Variants in MAP3K9 observed in about 807,000 individuals in gnomAD.
The protein encoded by MAP3K9 is mixed lineage kinase 1 (tyr and ser/thr specificity).
MAP3K9 carries 46 observed loss-of-function variants against 95.8 expected under a neutral mutation model. The ratio of observed to expected loss-of-function variants is 0.48; its 90% CI spans 0.38 to 0.61. The LOEUF is 0.61. MAP3K9 is among the 20% of genes least tolerant of loss of function. The pLI is 0.00. For synonymous variants in MAP3K9, 533 were observed against 593.8 expected (o/e 0.90, Z 1.49); for missense variants, 1,296 against 1,474.3 (o/e 0.88, Z 1.98).
intron 2 of MAP3K9, among the ~76,000 whole-genome samples, chr14:70,791,255 T>C (rs760152793): frequency 7.9e-5 from 12 of 152,188 alleles, no homozygotes; most frequent in Non-Finnish European, 5.9e-5. Context: ...GGCTGTTTTC[T>C]GCAACTAAAA....
At chr14:70,741,869 C>T (rs2054074342) in intron 6 of MAP3K9, among the ~76,000 whole-genome samples, 1 of 152,138 alleles carries the variant, frequency 6.6e-6, no homozygotes, top group South Asian at 2.1e-4. Flanking sequence ...ATCACTTGAA[C>T]CGGGGAGGTG....
intron 2 of MAP3K9, among the ~76,000 whole-genome samples, chr14:70,784,264 C>A (rs1479683393): frequency 6.6e-6 from 1 of 151,504 alleles, no homozygotes; most frequent in Non-Finnish European, 1.5e-5. Flanking sequence ...GCCTGGGAAA[C>A]AAGAGCAAAA....
At chr14:70,785,203 A>G (rs966955994) in intron 2 of MAP3K9, among the ~76,000 whole-genome samples, 1 of 152,136 alleles carries the variant, frequency 6.6e-6, no homozygotes, top group Non-Finnish European at 1.5e-5. Context: ...GGATACTACC[A>G]CCTCTTCCTG....
intron 2 of MAP3K9, among the ~76,000 whole-genome samples, chr14:70,771,636 TG>T (rs2054533318): frequency 6.6e-6 from 1 of 152,098 alleles, no homozygotes; most frequent in Non-Finnish European, 1.5e-5. Context: ...CTGACATTCC[TG>T]GAGTCTGTAA....
intron 1 of MAP3K9, among the ~76,000 whole-genome samples, chr14:70,808,471 C>T (rs551760440): frequency 1.3e-5 from 2 of 151,984 alleles, no homozygotes; most frequent in Non-Finnish European, 1.5e-5. Flanking sequence ...GACTGGGAAA[C>T]TGGCAAATTC....
At chr14:70,803,178 A>C (rs1393986763) in intron 1 of MAP3K9, among the ~76,000 whole-genome samples, 1 of 152,006 alleles carries the variant, frequency 6.6e-6, no homozygotes, top group Admixed American at 6.6e-5. Context: ...CACCAGAGCC[A>C]AGCAGATGCT....
chr14:70,771,771 G>A (rs553080059), intron 2 of MAP3K9, among the ~76,000 whole-genome samples: 1 of 152,284 alleles, frequency 6.6e-6, no homozygotes, highest in Non-Finnish European at 1.5e-5. Flanking sequence ...CCAGAGAAAA[G>A]CCCTATTCAT....
At chr14:70,745,552 T>A (rs544190053) in intron 5 of MAP3K9, among the ~76,000 whole-genome samples, 16 of 152,074 alleles carry the variant, frequency 1.1e-4, no homozygotes, top group Admixed American at 7.9e-4. Context: ...AGCCTGGCCA[T>A]GATAGTGAAA....
At chr14:70,739,993 A>T (rs2139726344) in intron 7 of MAP3K9, 49 bp downstream of exon 7, 1 of 1,614,222 alleles carries the variant, frequency 6.2e-7, no homozygotes, top group Non-Finnish European at 8.5e-7. Context: ...AGCAGGGGAC[A>T]GGTGCCCCTG....
In MAP3K9 at chr14:70,796,484, G is replaced by C. The variant is rs975821708; in HGVS notation, c.820+4183C>G. 2.6e-5 allele frequency among the ~76,000 whole-genome samples: 4 copies of C among 152,146 alleles called. No individual in the cohort carries two copies. The South Asian group carries it at 8.3e-4, about 32-fold the overall frequency. On this transcript the variant is annotated intron_variant, in intron 2 of 11. Transcript: ENST00000554752. Reference sequence around the variant, plus strand: ...AGATTCCATGGTAAGACTGCTAGCTGCCAATTCCTTAGCGGCAATGCCCTT... The same window carrying C: ...AGATTCCATGGTAAGACTGCTAGCTCCCAATTCCTTAGCGGCAATGCCCTT...
In MAP3K9 at chr14:70,738,280, C is replaced by T. The variant is rs1291895055; in HGVS notation, c.1809G>A (p.Thr603=). ...KKKGRTWGPG[T]LGQKELASGD... ...CCGAGGCAAGCTCCTTCTGACCAAG[C>T]GTCCCTGGCCCCCACGTCCGTCCCT... is the stretch of plus-strand genomic sequence containing the variant. The change falls in exon 8 of 12, where the codon ACG becomes ACA. Residue 603 remains threonine, a synonymous_variant. Transcript: ENST00000554752. The T allele has an allele frequency of 5.0e-6, 8 of 1,612,490 alleles. No individual in the cohort carries two copies. Among genetic ancestry groups the T allele is most frequent in the Non-Finnish European group, 6.8e-6 (8 of 1,179,384 alleles).
intron 3 of MAP3K9, among the ~76,000 whole-genome samples, chr14:70,752,696 A>G (rs2054246138): frequency 6.6e-6 from 1 of 152,190 alleles, no homozygotes; most frequent in African/African-American, 2.4e-5. Flanking sequence ...TCTCCCAACC[A>G]GACAAAGACA....
intron 6 of MAP3K9, among the ~76,000 whole-genome samples, chr14:70,740,799 G>A (rs974289508): frequency 2.6e-5 from 4 of 152,160 alleles, no homozygotes; most frequent in African/African-American, 9.7e-5. Context: ...TTGCACCTAT[G>A]TCTCCCCATT....
At chr14:70,791,085 G>C (rs1459303102) in intron 2 of MAP3K9, among the ~76,000 whole-genome samples, 2 of 152,164 alleles carry the variant, frequency 1.3e-5, no homozygotes, top group African/African-American at 4.8e-5. Context: ...AGGGATGTGG[G>C]GAAGGGAAGA....
intron 11 of MAP3K9, 23 bp downstream of exon 11, chr14:70,732,516 G>A: frequency 6.6e-7 from 1 of 1,519,382 alleles, no homozygotes; most frequent in South Asian, 1.3e-5. Context: ...AGAAAGGAAA[G>A]AGAAAAGAGG....
chr14:70,770,908 G>A (rs138553854), intron 2 of MAP3K9, among the ~76,000 whole-genome samples: 48 of 152,186 alleles, frequency 3.2e-4, no homozygotes, highest in African/African-American at 1.0e-3. Context: ...GAAAGGACGC[G>A]TAGGAGGTAT....
At chr14:70,808,118 C>T (rs2055011629) in intron 1 of MAP3K9, among the ~76,000 whole-genome samples, 1 of 152,238 alleles carries the variant, frequency 6.6e-6, no homozygotes. Flanking sequence ...GTCTCACCCC[C>T]ACTCTCAACA....
chr14:70,774,215 C>A (rs1333185300), intron 2 of MAP3K9, among the ~76,000 whole-genome samples: 1 of 152,134 alleles, frequency 6.6e-6, no homozygotes, highest in Non-Finnish European at 1.5e-5. Context: ...GTTCAAATAC[C>A]GTGTAAATTA....
At chr14:70,769,935 C>T (rs2054508379) in intron 2 of MAP3K9, among the ~76,000 whole-genome samples, 1 of 152,156 alleles carries the variant, frequency 6.6e-6, no homozygotes, top group East Asian at 1.9e-4. Flanking sequence ...TTGTGGGGGA[C>T]ACTATTCTAC....
Sources: gnomAD v4.1 joint callset for allele counts (sites outside exome capture counted in the v4.1 genomes callset) on GRCh38, gnomAD v4.1.1 for gene constraint, MANE v1.5 for transcripts, NCBI Gene and HGNC (gene_info 2026-07-23, HGNC 2026-07-21) for gene names.